Variants in RALYL observed in about 807,000 individuals in gnomAD.
RALYL encodes the protein RALY RNA binding protein like, also known as RNA-binding Raly-like protein.
RALYL carries 29 observed loss-of-function variants against 35.1 expected under a neutral mutation model. The ratio of observed to expected loss-of-function variants is 0.83; its 90% confidence interval spans 0.61 to 1.13. RALYL has a LOEUF of 1.13. Among genes scored for constraint, RALYL ranks in the 50% most tolerant of loss-of-function variants. The probability of loss-of-function intolerance (pLI) is 0.00; values close to 1 mark genes in which losing one functional copy is unlikely to be tolerated. For synonymous variants in RALYL, 120 were observed against 127.6 expected (o/e 0.94, Z 0.40); for missense variants, 359 against 360.4 (o/e 1.00, Z 0.03).
At chr8:84,744,464 A>C (rs1021768698) in intron 2 of RALYL, among the ~76,000 whole-genome samples, 1 of 151,958 alleles carries the variant, frequency 6.6e-6, no homozygotes, top group Non-Finnish European at 1.5e-5. Context: ...GCAGGAAGCC[A>C]CTCTTAAAGA....
chr8:84,859,287 G>T (rs1463449193), intron 5 of RALYL, among the ~76,000 whole-genome samples: 1 of 152,124 alleles, frequency 6.6e-6, no homozygotes, highest in Non-Finnish European at 1.5e-5. Flanking sequence ...GAAAAAGGTG[G>T]CAGGATGAGG....
intron 1 of RALYL, among the ~76,000 whole-genome samples, chr8:84,503,022 A>G (rs2056840500): frequency 6.6e-6 from 1 of 152,136 alleles, no homozygotes; most frequent in Admixed American, 6.6e-5. Flanking sequence ...AGTTTTAGTA[A>G]TGGAATAAGA....
intron 1 of RALYL, among the ~76,000 whole-genome samples, chr8:84,393,907 T>G (rs1486279677): frequency 6.6e-6 from 1 of 152,122 alleles, no homozygotes; most frequent in Admixed American, 6.6e-5. Flanking sequence ...ATGATAATTA[T>G]TTTTTATTAT....
At chr8:84,741,326 T>G (rs1313135081) in intron 2 of RALYL, among the ~76,000 whole-genome samples, 1 of 152,018 alleles carries the variant, frequency 6.6e-6, no homozygotes, top group East Asian at 1.9e-4. Context: ...TCAGGAGTGA[T>G]ATCACACAGC....
intron 8 of RALYL, among the ~76,000 whole-genome samples, chr8:84,898,835 A>C (rs1182748129): frequency 6.6e-6 from 1 of 152,198 alleles, no homozygotes; most frequent in East Asian, 1.9e-4. Context: ...AACCTTCCTG[A>C]AATTTCAAGT....
chr8:84,774,994 G>C (rs1816495968), intron 3 of RALYL, among the ~76,000 whole-genome samples: 2 of 152,036 alleles, frequency 1.3e-5, no homozygotes, highest in Admixed American at 6.6e-5. Flanking sequence ...CTGTTGCCCA[G>C]GCTGGAGTGC....
chr8:84,629,160 A>T (rs986032844), intron 2 of RALYL, among the ~76,000 whole-genome samples: 1 of 152,010 alleles, frequency 6.6e-6, no homozygotes, highest in Non-Finnish European at 1.5e-5. Context: ...TCACCTTCTA[A>T]TATACTAGGT....
intron 1 of RALYL, among the ~76,000 whole-genome samples, chr8:84,199,098 T>G (rs1164997740): frequency 1.3e-5 from 2 of 152,178 alleles, no homozygotes; most frequent in African/African-American, 4.8e-5. Flanking sequence ...TTGTACTAAT[T>G]TACATTCCCA....
intron 1 of RALYL, among the ~76,000 whole-genome samples, chr8:84,393,771 T>C (rs998984180): frequency 6.6e-6 from 1 of 152,138 alleles, no homozygotes; most frequent in Non-Finnish European, 1.5e-5. Context: ...TGGGAATTTA[T>C]TAAACCTTCT....
chr8:84,197,105 G>C (rs539622116), intron 1 of RALYL, among the ~76,000 whole-genome samples: 63 of 152,302 alleles, frequency 4.1e-4, no homozygotes, highest in African/African-American at 1.4e-3. Context: ...TTTAAAAACA[G>C]AATGATATAC....
intron 8 of RALYL, among the ~76,000 whole-genome samples, chr8:84,904,402 G>A (rs995933808): frequency 6.6e-6 from 1 of 152,122 alleles, no homozygotes; most frequent in Non-Finnish European, 1.5e-5. Flanking sequence ...TTAAAACAAT[G>A]TGATTTTTAA....
rs750865195 is a variant in RALYL, at chr8:84,804,757, T to C, written c.333-13T>C. The C allele has an allele frequency of 8.6e-7, 1 of 1,163,838 alleles. No individual in the cohort carries two copies. The highest frequency in any genetic ancestry group is 2.2e-5 in the South Asian group (1 of 45,734). The allele number at this position is 1,163,838 out of a possible 1,614,324, so 72.1% of individuals were successfully genotyped here. On this transcript the variant is annotated splice_polypyrimidine_tract_variant and intron_variant, in intron 3 of 8. Coordinates refer to ENST00000521268, the MANE Select transcript of RALYL (RefSeq NM_173848.7). ...TTTTTATATTAAAAGAAAATTTTCA[T>C]ATTTTTTCATAGACTTGAATCAAAG... is the stretch of plus-strand genomic sequence containing the variant.
At chr8:84,226,810 G>A (rs540152379) in intron 1 of RALYL, among the ~76,000 whole-genome samples, 57 of 152,192 alleles carry the variant, frequency 3.7e-4, no homozygotes, top group Non-Finnish European at 6.0e-4. Context: ...AAATCCAGTT[G>A]GATTGTGACC....
At chr8:84,367,324 T>TTTGTTTTTG (rs1258283971) in intron 1 of RALYL, among the ~76,000 whole-genome samples, 3 of 13,966 alleles carry the variant, frequency 2.1e-4, no homozygotes, top group Non-Finnish European at 2.4e-4. Flanking sequence ...TTGTATTTTT[T>TTTGTTTTTG]TTTTTTTTTT....
intron 3 of RALYL, among the ~76,000 whole-genome samples, chr8:84,797,179 C>T (rs1381944620): frequency 1.3e-5 from 2 of 152,332 alleles, no homozygotes; most frequent in South Asian, 2.1e-4. Context: ...TGAAGAAACG[C>T]ATGCACAAAA....
At chr8:84,670,638 G>T (rs764517304) in intron 2 of RALYL, among the ~76,000 whole-genome samples, 2 of 152,194 alleles carry the variant, frequency 1.3e-5, no homozygotes, top group African/African-American at 2.4e-5. Flanking sequence ...GCAGGCAAGA[G>T]TGTGTGTGCA....
intron 2 of RALYL, among the ~76,000 whole-genome samples, chr8:84,547,440 G>A (rs2060438046): frequency 1.3e-5 from 2 of 151,544 alleles, no homozygotes; most frequent in South Asian, 2.1e-4. Context: ...GCAGTGATGC[G>A]ATCTCAGCTC....
intron 8 of RALYL, among the ~76,000 whole-genome samples, chr8:84,909,654 G>T (rs1414570160): frequency 6.6e-6 from 1 of 152,052 alleles, no homozygotes; most frequent in Non-Finnish European, 1.5e-5. Flanking sequence ...GAAGACTTAC[G>T]TGACTTGAGC....
At chr8:84,575,096 C>T (rs1389961782) in intron 2 of RALYL, among the ~76,000 whole-genome samples, 1 of 152,112 alleles carries the variant, frequency 6.6e-6, no homozygotes, top group Non-Finnish European at 1.5e-5. Context: ...TTTATAATTA[C>T]AGCATTACAT....
Sources: gnomAD v4.1 joint callset for allele counts (sites outside exome capture counted in the v4.1 genomes callset) on GRCh38, gnomAD v4.1.1 for gene constraint, MANE v1.5 for transcripts, NCBI Gene and HGNC (gene_info 2026-07-23, HGNC 2026-07-21) for gene names.